The following INPP5A variants were observed in gnomAD, a reference collection of about 807,000 sequenced individuals.
INPP5A encodes the protein 43 kDa inositol polyphosphate 5-phophatase.
In INPP5A, 14 loss-of-function variants were observed where a neutral mutation model predicts 65.2. The ratio of observed to expected loss-of-function variants is 0.21; its 90% CI spans 0.14 to 0.34. INPP5A has a LOEUF of 0.34. INPP5A is among the 10% of genes least tolerant of loss of function. INPP5A has a pLI of 1.00. For missense variants in INPP5A, 431 were observed against 545.6 expected, an observed-to-expected ratio of 0.79 and a Z score of 2.09; for synonymous variants, 207 against 208.3, an observed-to-expected ratio of 0.99 and a Z score of 0.05.
chr10:132,739,412 C>T (rs1033735991), intron 9 of INPP5A, among the ~76,000 whole-genome samples: 3 of 152,212 alleles, frequency 2.0e-5, no homozygotes, highest in Non-Finnish European at 2.9e-5. Context: ...GGGGGCGTGC[C>T]GACAGAAGGC....
rs1311366099 is a variant in INPP5A, at chr10:132,555,686, C to G, written c.75+17515C>G. Among the ~76,000 whole-genome samples the G allele has an allele frequency of 6.6e-6, 1 of 152,132 alleles. No homozygotes were observed. The highest frequency in any genetic ancestry group is 1.5e-5 in the Non-Finnish European group (1 of 68,036). On this transcript the variant is annotated intron_variant, in intron 1 of 15. Coordinates refer to ENST00000368594, the MANE Select transcript of INPP5A (RefSeq NM_005539.5). The surrounding 1 kb of genome is among the most constrained non-coding windows in gnomAD (Gnocchi z 4.4). ...GTCTTGGAGAAAAATGGTCTATGAA[C>G]TTTGATAACCTTGACAATTTTAGTT...
At position 132,545,187 on chromosome 10, in the gene INPP5A, G is replaced by A. The variant is rs1023639300; in HGVS notation, c.75+7016G>A. ...GCTCTGGGATGGCTGTGCTCGGTGG[G>A]GGTCTGATTTTGGGGGAAGAGGCTG... On this transcript the variant is annotated intron_variant, in intron 1 of 15. Coordinates refer to ENST00000368594, the MANE Select transcript of INPP5A (RefSeq NM_005539.5). The surrounding 1 kb of genome is among the most constrained non-coding windows in gnomAD (Gnocchi z 4.6). Among the ~76,000 whole-genome samples the A allele has an allele frequency of 3.9e-5, 6 of 152,176 alleles. No individual in the cohort carries two copies. Among genetic ancestry groups the A allele is most frequent in the African/African-American group, 1.4e-4 (6 of 41,428 alleles).
intron 9 of INPP5A, among the ~76,000 whole-genome samples, chr10:132,729,979 G>A (rs1672057895): frequency 6.6e-6 from 1 of 152,212 alleles, no homozygotes; most frequent in African/African-American, 2.4e-5. Context: ...GAGCACCTGT[G>A]TCTGAGAGCC....
intron 12 of INPP5A, among the ~76,000 whole-genome samples, chr10:132,766,324 T>C (rs567599515): frequency 5.3e-5 from 8 of 152,264 alleles, no homozygotes; most frequent in Non-Finnish European, 1.0e-4. Flanking sequence ...TTTTTTCCAA[T>C]ATGCAAAATA....
At chr10:132,770,575 C>T (rs1363836380) in intron 12 of INPP5A, among the ~76,000 whole-genome samples, 12 of 152,244 alleles carry the variant, frequency 7.9e-5, no homozygotes, top group South Asian at 6.2e-4. Flanking sequence ...CCTCGCTGGC[C>T]GCCCCGGTGG....
chr10:132,620,122 C>T (rs1477292660), intron 2 of INPP5A, among the ~76,000 whole-genome samples: 1 of 152,190 alleles, frequency 6.6e-6, no homozygotes, highest in Non-Finnish European at 1.5e-5. Flanking sequence ...TGGGCCTGAC[C>T]CATGAAACCA....
At chr10:132,749,647 G>T in intron 10 of INPP5A, 35 bp downstream of exon 10, 5 of 1,606,006 alleles carry the variant, frequency 3.1e-6, no homozygotes, top group Middle Eastern at 1.7e-4. Flanking sequence ...GGTGACGCAC[G>T]GGGCCTGCGC....
In INPP5A at chr10:132,549,696, GC is replaced by G. The variant is rs1476987062; in HGVS notation, c.75+11527del. Reference sequence around the variant, plus strand: ...GGAGCTCTGCAGCTGCAGGGCGGGAGCCGGGGCTTCCGTGAGGCTCTGTGAC... The same window carrying G: ...GGAGCTCTGCAGCTGCAGGGCGGGAGCGGGGCTTCCGTGAGGCTCTGTGAC... On this transcript the variant is annotated intron_variant, in intron 1 of 15. Coordinates refer to ENST00000368594, the MANE Select transcript of INPP5A (RefSeq NM_005539.5). This position sits in a 1 kb window ranked among gnomAD's most constrained non-coding sequence, Gnocchi z 4.9. 6.6e-6 allele frequency among the ~76,000 whole-genome samples: 1 copy of G among 152,242 alleles called. No individual in the cohort carries two copies.
chr10:132,765,268 C>T (rs923173890), intron 11 of INPP5A, among the ~76,000 whole-genome samples: 4 of 152,320 alleles, frequency 2.6e-5, no homozygotes, highest in South Asian at 4.1e-4. Flanking sequence ...TGCTGCCTCC[C>T]GTGCATGTGA....
chr10:132,606,282 C>T (rs1026653469), intron 1 of INPP5A, among the ~76,000 whole-genome samples: 1 of 152,080 alleles, frequency 6.6e-6, no homozygotes, highest in Non-Finnish European at 1.5e-5. Flanking sequence ...CCTGCCGGGT[C>T]CTCAGTGGCG....
At chr10:132,757,454 C>T (rs930752640) in intron 11 of INPP5A, among the ~76,000 whole-genome samples, 1 of 152,262 alleles carries the variant, frequency 6.6e-6, no homozygotes, top group Non-Finnish European at 1.5e-5. Flanking sequence ...CTGCGGTGGT[C>T]GGTGGCCTGC....
intron 1 of INPP5A, among the ~76,000 whole-genome samples, chr10:132,543,822 G>A (rs759383115): frequency 1.3e-5 from 2 of 152,202 alleles, no homozygotes; most frequent in Admixed American, 6.5e-5. Context: ...CCCTCCTTCC[G>A]GTTCTGGTGA....
chr10:132,751,101 G>A (rs1186185828), intron 11 of INPP5A, among the ~76,000 whole-genome samples: 2 of 152,200 alleles, frequency 1.3e-5, no homozygotes, highest in South Asian at 2.1e-4. Flanking sequence ...TCCACTCCAG[G>A]ATGGCATTCG....
At chr10:132,742,944 G>A (rs1176807749) in intron 9 of INPP5A, among the ~76,000 whole-genome samples, 1 of 152,182 alleles carries the variant, frequency 6.6e-6, no homozygotes, top group Admixed American at 6.5e-5. Flanking sequence ...GTTTGTGGCT[G>A]AAATTCGACC....
intron 4 of INPP5A, among the ~76,000 whole-genome samples, chr10:132,654,547 G>T (rs2072626374): frequency 6.6e-6 from 1 of 152,192 alleles, no homozygotes; most frequent in Admixed American, 6.5e-5. Flanking sequence ...ACTTCCCCGG[G>T]GTCCTGGGCA....
intron 4 of INPP5A, among the ~76,000 whole-genome samples, chr10:132,667,945 C>T (rs760280934): frequency 1.3e-5 from 2 of 152,140 alleles, no homozygotes; most frequent in Non-Finnish European, 2.9e-5. Context: ...GTGATTCATC[C>T]GCCTCACCAA....
At chr10:132,718,847 G>T (rs1036776478) in intron 8 of INPP5A, among the ~76,000 whole-genome samples, 1 of 149,518 alleles carries the variant, frequency 6.7e-6, no homozygotes, top group Non-Finnish European at 1.5e-5. Flanking sequence ...GTTCTGTCTG[G>T]GCACCTTAGA....
chr10:132,642,623 CTGTT>C (rs1448334307), intron 2 of INPP5A, among the ~76,000 whole-genome samples: 3 of 152,218 alleles, frequency 2.0e-5, no homozygotes, highest in African/African-American at 4.8e-5. Context: ...GGGGTCCCCT[CTGTT>C]TGAGCAGGCC....
intron 12 of INPP5A, among the ~76,000 whole-genome samples, chr10:132,775,166 AGAG>A (rs200144861): frequency 1.3e-4 from 4 of 30,066 alleles, no homozygotes; most frequent in African/African-American, 6.1e-4. Context: ...AGAGAGGGGC[AGAG>A]AGGAGGGGCA....
Sources: allele counts gnomAD v4.1 joint callset (sites outside exome capture counted in the v4.1 genomes callset), GRCh38; gene constraint gnomAD v4.1.1; non-coding constraint Gnocchi (gnomAD v3.1); transcripts MANE v1.5; gene names NCBI Gene and HGNC (gene_info 2026-07-23, HGNC 2026-07-21).